Variants in NEDD4 observed in about 807,000 individuals in gnomAD.
NEDD4 encodes the protein E3 ubiquitin-protein ligase NEDD4.
Under a neutral mutation model 144.9 loss-of-function variants are expected in NEDD4, and 99 were observed. The ratio of observed to expected loss-of-function variants is 0.68; its 90% CI spans 0.58 to 0.81. The LOEUF is 0.81. Among genes scored for constraint, NEDD4 ranks in the 30% least tolerant of loss-of-function variants. The probability of loss-of-function intolerance (pLI) is 0.00; values close to 1 mark genes in which losing one functional copy is unlikely to be tolerated. For missense variants in NEDD4, 985 were observed against 1,065.9 expected (o/e 0.92, Z 1.06); for synonymous variants, 318 against 350.6 (o/e 0.91, Z 1.04).
At chr15:55,982,718 T>C (rs1257888482) in intron 1 of NEDD4, among the ~76,000 whole-genome samples, 1 of 152,186 alleles carries the variant, frequency 6.6e-6, no homozygotes, top group Non-Finnish European at 1.5e-5. Flanking sequence ...ATTTCACTCT[T>C]TGTAAATTTC....
rs1451048564 is a variant in NEDD4 at position 55,839,990 on chromosome 15, AAAAAAAAAAATATATATATATATATAT to A, written c.2031+430_2031+456del. The stretch of plus-strand genomic sequence containing the variant: ...CTCTGTCTCAAAAAAAAAAAAAAAA[AAAAAAAAAAATATATATATATATATAT>A]ATATATATATATATATATATATATA... On this transcript the variant is annotated intron_variant, in intron 21 of 28. Transcript: ENST00000435532. Among the ~76,000 whole-genome samples the A allele has an allele frequency of 5.0e-3, 281 of 55,730 alleles. 13 individuals carry two copies. Among genetic ancestry groups the A allele is most frequent in the South Asian group, 0.044 (63 of 1,418 alleles). 36.6% of individuals were successfully genotyped at this position (55,730 alleles called of 152,430 possible). A position where few individuals can be genotyped will look rare whatever the true frequency, so the allele number is the denominator to read the frequency against.
At chr15:55,839,505 TA>T (rs1363154030) in intron 21 of NEDD4, among the ~76,000 whole-genome samples, 1 of 152,096 alleles carries the variant, frequency 6.6e-6, no homozygotes, top group Non-Finnish European at 1.5e-5. Flanking sequence ...AAGAAAAGAA[TA>T]AAAAATGAAC....
chr15:55,836,331 GACACAC>G (rs10526731), intron 24 of NEDD4, among the ~76,000 whole-genome samples: 4,289 of 147,926 alleles, frequency 0.029, 71 homozygotes, highest in South Asian at 0.035. Context: ...AAAAGTATGT[GACACAC>G]ACACACACAC....
At chr15:55,877,301 C>T (rs1015928036) in intron 5 of NEDD4, among the ~76,000 whole-genome samples, 5 of 152,162 alleles carry the variant, frequency 3.3e-5, no homozygotes, top group Non-Finnish European at 7.3e-5. Context: ...CTTTCATAAT[C>T]TTGACATTTT....
chr15:55,944,747 C>T (rs2037077500), intron 4 of NEDD4, among the ~76,000 whole-genome samples: 1 of 152,136 alleles, frequency 6.6e-6, no homozygotes, highest in South Asian at 2.1e-4. Flanking sequence ...GGCCAACAGA[C>T]ACCTCATACA....
intron 14 of NEDD4, 112 bp downstream of exon 14, chr15:55,850,430 T>C: frequency 1.0e-6 from 1 of 960,738 alleles, no homozygotes; most frequent in Non-Finnish European, 1.6e-6. Flanking sequence ...TACCTTTCAA[T>C]GAATATTAGG....
intron 5 of NEDD4, chr15:55,916,596 T>G: frequency 6.2e-7 from 1 of 1,614,048 alleles, no homozygotes; most frequent in Non-Finnish European, 8.5e-7. Flanking sequence ...TTTATTAACA[T>G]TTTCAGATGA....
At chr15:55,878,790 T>A (rs1383517195) in intron 5 of NEDD4, among the ~76,000 whole-genome samples, 2 of 152,232 alleles carry the variant, frequency 1.3e-5, no homozygotes, top group African/African-American at 4.8e-5. Context: ...AAATAACATA[T>A]ATAAATCTCA....
rs145725382 is a variant in NEDD4 at position 55,938,593 on chromosome 15, A to G, written c.237+12783T>C. ...GTGACACCAAAAACAAAGGCAATGA[A>G]AGCAAAAATTGACAAGTGCAGCTAC... is the stretch of plus-strand genomic sequence containing the variant. On this transcript the variant is annotated intron_variant, in intron 4 of 28. Coordinates refer to ENST00000435532, the MANE Select transcript of NEDD4 (RefSeq NM_006154.4). Among the ~76,000 whole-genome samples the G allele has an allele frequency of 1.4e-3, 209 of 152,292 alleles. 1 individual carries two copies. The highest frequency in any genetic ancestry group is 4.9e-3 in the African/African-American group (205 of 41,566).
intron 5 of NEDD4, among the ~76,000 whole-genome samples, chr15:55,894,165 A>C (rs2035663523): frequency 6.6e-6 from 1 of 152,188 alleles, no homozygotes; most frequent in African/African-American, 2.4e-5. Flanking sequence ...ATCTGACTAT[A>C]AGACATAAAC....
At chr15:55,989,457 G>A (rs770098397) in intron 1 of NEDD4, among the ~76,000 whole-genome samples, 1 of 152,128 alleles carries the variant, frequency 6.6e-6, no homozygotes, top group African/African-American at 2.4e-5. Context: ...AGTACATAAA[G>A]GTTTGGGAAG....
intron 1 of NEDD4, among the ~76,000 whole-genome samples, chr15:55,982,696 T>C (rs1049060676): frequency 2.0e-5 from 3 of 152,328 alleles, no homozygotes; most frequent in Admixed American, 6.5e-5. Flanking sequence ...ATTATACATT[T>C]ATAATCTGTG....
At chr15:55,925,711 A>C (rs1248132480) in intron 4 of NEDD4, among the ~76,000 whole-genome samples, 2 of 152,210 alleles carry the variant, frequency 1.3e-5, no homozygotes, top group Non-Finnish European at 2.9e-5. Flanking sequence ...TGTGACAAAG[A>C]TATCTAGATA....
At chr15:55,911,401 CG>C (rs2036268413) in intron 5 of NEDD4, among the ~76,000 whole-genome samples, 1 of 152,164 alleles carries the variant, frequency 6.6e-6, no homozygotes, top group East Asian at 1.9e-4. Flanking sequence ...TATCAAGACT[CG>C]GTTCAAATGT....
chr15:55,991,299 T>C (rs2140459962), intron 1 of NEDD4, among the ~76,000 whole-genome samples: 1 of 151,400 alleles, frequency 6.6e-6, no homozygotes, highest in South Asian at 2.1e-4. Context: ...TGTTTGGGGG[T>C]GGGGAGGATG....
chr15:55,983,573 C>T (rs1458279939), intron 1 of NEDD4, among the ~76,000 whole-genome samples: 1 of 151,904 alleles, frequency 6.6e-6, no homozygotes, highest in African/African-American at 2.4e-5. Flanking sequence ...TATTTTCTCC[C>T]TTCTCCACAC....
chr15:55,909,941 A>C (rs1454138629), intron 5 of NEDD4, among the ~76,000 whole-genome samples: 1 of 152,206 alleles, frequency 6.6e-6, no homozygotes, highest in East Asian at 1.9e-4. Flanking sequence ...TGAGGTGTGA[A>C]TATTCATAAG....
chr15:55,969,344 T>A (rs938042817), intron 1 of NEDD4, among the ~76,000 whole-genome samples: 16 of 152,048 alleles, frequency 1.1e-4, no homozygotes, highest in African/African-American at 3.9e-4. Flanking sequence ...TAAATAAACT[T>A]AAAAGGCAGT....
intron 8 of NEDD4, among the ~76,000 whole-genome samples, chr15:55,866,114 A>G (rs1595768435): frequency 6.6e-6 from 1 of 151,774 alleles, no homozygotes; most frequent in East Asian, 1.9e-4. Context: ...GGGTCTCGTT[A>G]TGTTGCCCAG....
Sources: gnomAD v4.1 joint callset for allele counts (sites outside exome capture counted in the v4.1 genomes callset) on GRCh38, gnomAD v4.1.1 for gene constraint, MANE v1.5 for transcripts, NCBI Gene and HGNC (gene_info 2026-07-23, HGNC 2026-07-21) for gene names.